The following C19orf38 variants were observed in gnomAD, a reference collection of about 807,000 sequenced individuals.
C19orf38 encodes chromosome 19 open reading frame 38, also known as protein HIDE1.
In C19orf38, 14 loss-of-function variants were observed where a neutral mutation model predicts 26.6. That is an observed-to-expected ratio of 0.53 (90% confidence interval 0.35 to 0.82). C19orf38 has a LOEUF of 0.82. Among genes scored for constraint, C19orf38 ranks in the 40% least tolerant of loss-of-function variants. The pLI, the probability that C19orf38 is intolerant of heterozygous loss-of-function variation, is 0.01. For missense variants in C19orf38, 261 were observed against 299.5 expected (o/e 0.87, Z 0.95); for synonymous variants, 132 against 128.5 (o/e 1.03, Z -0.18).
chr19:10,861,787 T>G (rs1003069867), intron 5 of C19orf38, among the ~76,000 whole-genome samples: 1 of 151,872 alleles, frequency 6.6e-6, no homozygotes, highest in African/African-American at 2.4e-5. Flanking sequence ...CATGTTGGCC[T>G]GGCTGGTCTC....
chr19:10,840,771 C>G (rs1203487325), intron 1 of C19orf38, among the ~76,000 whole-genome samples: 2 of 152,230 alleles, frequency 1.3e-5, no homozygotes, highest in Admixed American at 6.5e-5. Context: ...CCTGCCTCAG[C>G]CTCCCAAAGT....
At chr19:10,838,584 G>A (rs568043304) in intron 1 of C19orf38, among the ~76,000 whole-genome samples, 4 of 152,102 alleles carry the variant, frequency 2.6e-5, no homozygotes, top group East Asian at 1.9e-4. Flanking sequence ...AGTAACACCC[G>A]GGGTCGTTGT....
intron 5 of C19orf38, among the ~76,000 whole-genome samples, chr19:10,861,019 T>C (rs571084429): frequency 1.3e-5 from 2 of 152,014 alleles, no homozygotes; most frequent in East Asian, 3.9e-4. Context: ...GGCGTGTTCC[T>C]GTAGTCCCAG....
chr19:10,843,805 G>A (rs1169987253), upstream of C19orf38, among the ~76,000 whole-genome samples: 1 of 152,214 alleles, frequency 6.6e-6, no homozygotes, highest in Non-Finnish European at 1.5e-5. Flanking sequence ...TGCTCCGAGA[G>A]GAGGAGGAAA....
In C19orf38 at chr19:10,869,430, C is replaced by T. The variant is rs1322338859; in HGVS notation, c.*63C>T. 2 of 1,473,288 alleles carry T rather than the reference C, an allele frequency of 1.4e-6. No homozygotes were observed. The highest frequency in any genetic ancestry group is 1.8e-6 in the Non-Finnish European group (2 of 1,109,340). The allele number at this position is 1,473,288 out of a possible 1,614,324, so 91.3% of individuals were successfully genotyped here. The stretch of plus-strand genomic sequence containing the variant: ...CGGGGGCCTGAGGTCCCTCCAGCTA[C>T]TTCTGGGGGGGCTCTGTCAGCCACT... On this transcript the variant is annotated 3_prime_UTR_variant, in exon 7 of 7. Transcript: ENST00000397820.
intron 4 of C19orf38, among the ~76,000 whole-genome samples, chr19:10,859,280 A>ATG (rs1025386100): frequency 2.5e-5 from 1 of 40,054 alleles, no homozygotes; most frequent in Non-Finnish European, 5.4e-5. Context: ...GTGTGTGTGT[A>ATG]TGTGTGTGTG....
intron 2 of C19orf38, among the ~76,000 whole-genome samples, chr19:10,851,380 G>A (rs752726676): frequency 2.0e-5 from 3 of 148,426 alleles, no homozygotes; most frequent in Non-Finnish European, 4.4e-5. Flanking sequence ...AGACAAGGTC[G>A]TGCAGACTAG....
At position 10,869,285 on chromosome 19, in the gene C19orf38, A is replaced by G. The variant is rs1307079858; in HGVS notation, c.611A>G (p.Asn204Ser). The G allele has an allele frequency of 1.9e-6, 3 of 1,551,180 alleles. No individual in the cohort carries two copies. Among genetic ancestry groups the G allele is most frequent in the Admixed American group, 3.9e-5 (2 of 50,922 alleles). ...DHSGTTATPS[N>S]SRTRKRPTST... is the part of the protein sequence containing the mutation. Reference sequence around the variant, plus strand: ...TCAGGCACCACTGCCACCCCCAGCAACTCCAGGACCCGGAAGAGGCCCACT... The same window carrying G: ...TCAGGCACCACTGCCACCCCCAGCAGCTCCAGGACCCGGAAGAGGCCCACT... Residue 204 changes from asparagine (N) to serine (S), a missense_variant, in exon 7 of 7, where the codon AAC becomes AGC. Asn to Ser is a conservative substitution (Grantham distance 46). Coordinates refer to ENST00000397820, the MANE Select transcript of C19orf38 (RefSeq NM_001136482.3).
chr19:10,862,708 T>G (rs1169679700), intron 5 of C19orf38, among the ~76,000 whole-genome samples: 1 of 152,060 alleles, frequency 6.6e-6, no homozygotes, highest in African/African-American at 2.4e-5. Context: ...TGCATGCCTG[T>G]AATCCCAGCT....
chr19:10,849,342 C>T lies in C19orf38; in HGVS notation c.31+803C>T, dbSNP rs185102444. On this transcript the variant is annotated intron_variant, in intron 1 of 6. Transcript: ENST00000397820. ...GGTGTTTGCTCCTCCTTAAACACCC[C>T]CATTCCCCTTCCATCCCCTGGACCT... Among the ~76,000 whole-genome samples the T allele has an allele frequency of 1.7e-3, 253 of 152,228 alleles. 1 individual carries two copies. The highest frequency in any genetic ancestry group is 1.8e-3 in the Non-Finnish European group (125 of 67,998).
intron 1 of C19orf38, among the ~76,000 whole-genome samples, chr19:10,849,977 T>G (rs1213125423): frequency 6.6e-6 from 1 of 152,030 alleles, no homozygotes; most frequent in Non-Finnish European, 1.5e-5. Context: ...GAGAATCACT[T>G]GAACCCGGGA....
rs932691992 is a variant in C19orf38 at position 10,850,606 on chromosome 19, A to G, written c.340+39A>G. 12 of 1,540,732 alleles carry G rather than the reference A, an allele frequency of 7.8e-6. No homozygotes were observed. The East Asian group carries it at 2.4e-4, about 31-fold the overall frequency. Reference sequence around the variant, plus strand: ...ATGGGATCTCACTGCCGGGGGCTTAATTTTCTCACATGGACCTCTTGTGTG... The same window carrying G: ...ATGGGATCTCACTGCCGGGGGCTTAGTTTTCTCACATGGACCTCTTGTGTG... On this transcript the variant is annotated intron_variant, in intron 2 of 6. Coordinates refer to ENST00000397820, the MANE Select transcript of C19orf38 (RefSeq NM_001136482.3).
At position 10,858,195 on chromosome 19, in the gene C19orf38, T is replaced by G. The variant is rs976682186; in HGVS notation, c.434-121T>G. On this transcript the variant is annotated intron_variant, in intron 3 of 6. Transcript: ENST00000397820. ...GTGAGCCAAGATTGAGCCACTGCAC[T>G]CCAGCCTGGGTGAAAGAATGAGACT... is the stretch of plus-strand genomic sequence containing the variant. 25 of 981,982 alleles carry G rather than the reference T, an allele frequency of 2.5e-5. No individual in the cohort carries two copies. In the African/African-American group the frequency reaches 4.5e-4, roughly 18 times the overall value. The allele number at this position is 981,982 out of a possible 1,614,324, so 60.8% of individuals were successfully genotyped here.
chr19:10,836,766 T>G (rs1483902305), exon 1 of C19orf38: 2 of 152,672 alleles, frequency 1.3e-5, no homozygotes, highest in African/African-American at 4.8e-5. Flanking sequence ...CGTATCAGTT[T>G]CCTCGTAAGT....
intron 2 of C19orf38, among the ~76,000 whole-genome samples, chr19:10,852,634 A>G (rs776613144): frequency 6.6e-6 from 1 of 152,162 alleles, no homozygotes; most frequent in Non-Finnish European, 1.5e-5. Context: ...AGGATGTGCA[A>G]AGGCCCCGAG....
Position 10,850,446 on chromosome 19 carries a change from C to A in C19orf38, c.219C>A (p.Asn73Lys). 1 of 1,551,528 alleles carries A rather than the reference C, an allele frequency of 6.4e-7. No homozygotes were observed. Among genetic ancestry groups the A allele is most frequent in the East Asian group, 2.4e-5 (1 of 40,916 alleles). ...APTDQRGVTF[N>K]LSGGSSKAPG... ...CGGACCAGCGCGGGGTGACATTTAA[C>A]CTGAGCGGCGGCAGCAGCAAGGCTC... Residue 73 changes from asparagine to lysine, a missense_variant, in exon 2 of 7, where the codon AAC (asparagine) becomes AAA (lysine). Asn to Lys is a moderately conservative substitution (Grantham distance 94). Transcript: ENST00000397820.
chr19:10,863,422 C>T (rs2073722837), intron 6 of C19orf38, among the ~76,000 whole-genome samples: 1 of 152,090 alleles, frequency 6.6e-6, no homozygotes, highest in Admixed American at 6.6e-5. Context: ...AAGGTGGTGA[C>T]GTCAGGCTGT....
upstream of C19orf38, among the ~76,000 whole-genome samples, chr19:10,843,897 G>A (rs931357594): frequency 1.8e-4 from 28 of 152,126 alleles, no homozygotes; most frequent in African/African-American, 6.0e-4. Context: ...CGGATCATTC[G>A]AGGTCAGGAG....
intron 1 of C19orf38, among the ~76,000 whole-genome samples, chr19:10,842,552 G>A (rs1361545320): frequency 1.3e-5 from 2 of 151,876 alleles, no homozygotes; most frequent in Non-Finnish European, 2.9e-5. Flanking sequence ...GAGCCACTGC[G>A]CCTGGCTAAA....
Sources: gnomAD v4.1 joint callset for allele counts (sites outside exome capture counted in the v4.1 genomes callset) on GRCh38, gnomAD v4.1.1 for gene constraint, MANE v1.5 for transcripts, NCBI Gene and HGNC (gene_info 2026-07-23, HGNC 2026-07-21) for gene names.